Variants in GLRA2 observed in about 807,000 individuals in gnomAD.
GLRA2 encodes glycine receptor alpha 2.
GLRA2 carries 11 observed loss-of-function variants against 31.6 expected under a neutral mutation model. The observed-to-expected ratio is 0.35, with a 90% CI of 0.22 to 0.58. The LOEUF is 0.58. Among genes scored for constraint, GLRA2 ranks in the 20% least tolerant of loss-of-function variants. The pLI is 0.84. For missense variants in GLRA2, 212 were observed against 351.8 expected, an observed-to-expected ratio of 0.60 and a Z score of 3.18; for synonymous variants, 132 against 134.0, an observed-to-expected ratio of 0.99 and a Z score of 0.10.
chrX:14,621,395 G>A (rs1323544566), intron 7 of GLRA2, among the ~76,000 whole-genome samples: 1 of 110,628 alleles, frequency 9.0e-6, no homozygotes, highest in South Asian at 3.8e-4. Flanking sequence ...TTAAGTTCTA[G>A]GGTGCATATG....
chrX:14,672,666 T>C (rs1974320584), intron 7 of GLRA2, among the ~76,000 whole-genome samples: 1 of 111,755 alleles, frequency 8.9e-6, no homozygotes, highest in Admixed American at 9.5e-5. Flanking sequence ...CTTTGGTAAT[T>C]TATAACTAAC....
intron 4 of GLRA2, among the ~76,000 whole-genome samples, chrX:14,598,503 G>T (rs1194424693): frequency 8.9e-6 from 1 of 112,203 alleles, no homozygotes. Context: ...CCCAGCCATG[G>T]CCCTAACTAG....
rs145202745 is a variant in GLRA2 at position 14,592,217 on chromosome X, C to A, written c.494+10811C>A. Among the ~76,000 whole-genome samples the A allele has an allele frequency of 2.7e-5, 3 of 111,780 alleles. No individual in the cohort carries two copies. In the East Asian group the frequency reaches 8.5e-4, roughly 32 times the overall value. On this transcript the variant is annotated intron_variant, in intron 4 of 8. Transcript: ENST00000218075. Reference sequence around the variant, plus strand: ...TCTTCATGTCCCTTAGGGCTTGAGTCAGCAGAGGAGATTCAGAATTTCAAG... The same window carrying A: ...TCTTCATGTCCCTTAGGGCTTGAGTAAGCAGAGGAGATTCAGAATTTCAAG...
Position 14,654,308 on chromosome X carries a change from G to A in GLRA2, c.931-36402G>A, listed in dbSNP as rs978121292. ...ATTGTTAGTATTTTTTAGCCATGAA[G>A]TATTTTTAAATTAAGGTATGTACAT... is the stretch of plus-strand genomic sequence containing the variant. On this transcript the variant is annotated intron_variant, in intron 7 of 8. Coordinates refer to ENST00000218075, the MANE Select transcript of GLRA2 (RefSeq NM_002063.4). Among the ~76,000 whole-genome samples the A allele has an allele frequency of 9.9e-5, 11 of 111,330 alleles. No homozygotes were observed. The South Asian group carries it at 3.8e-3, about 38-fold the overall frequency.
chrX:14,720,372 A>G (rs369575304), intron 8 of GLRA2, among the ~76,000 whole-genome samples: 5 of 112,182 alleles, frequency 4.5e-5, no homozygotes, highest in African/African-American at 1.6e-4. Context: ...GGATCTCATC[A>G]TGTAAGTCAA....
chrX:14,472,492 G>T, the GLRA2 span, among the ~76,000 whole-genome samples: 1 of 111,049 alleles, frequency 9.0e-6, no homozygotes, highest in Non-Finnish European at 1.9e-5. Flanking sequence ...GGATCCCTTA[G>T]CTATTCTTCC....
the GLRA2 span, among the ~76,000 whole-genome samples, chrX:14,517,084 T>C: frequency 3.0e-4 from 34 of 112,459 alleles, no homozygotes; most frequent in African/African-American, 7.7e-4. Flanking sequence ...ACAGTCAAGA[T>C]GTTTTGAATT....
intron 4 of GLRA2, among the ~76,000 whole-genome samples, chrX:14,584,311 C>T (rs774931610): frequency 9.0e-6 from 1 of 111,711 alleles, no homozygotes; most frequent in South Asian, 3.8e-4. Context: ...ATGTCTAGGA[C>T]AATGTACTGT....
chrX:14,668,803 G>T (rs1336949563), intron 7 of GLRA2, among the ~76,000 whole-genome samples: 1 of 111,736 alleles, frequency 8.9e-6, no homozygotes, highest in African/African-American at 3.3e-5. Context: ...AATTCAAGAT[G>T]AAATTTTTGG....
chrX:14,649,170 C>T (rs1331872611), intron 7 of GLRA2, among the ~76,000 whole-genome samples: 2 of 109,290 alleles, frequency 1.8e-5, no homozygotes, highest in Admixed American at 9.7e-5. Context: ...GCCGAGATCG[C>T]GCCACTGCAC....
In GLRA2 at chrX:14,642,767, A is replaced by G. The variant is rs185206451; in HGVS notation, c.930+33562A>G. 1.3e-4 allele frequency among the ~76,000 whole-genome samples: 14 copies of G among 111,387 alleles called. No homozygotes were observed. In the Admixed American group the frequency reaches 1.3e-3, roughly 11 times the overall value. On this transcript the variant is annotated intron_variant, in intron 7 of 8. Transcript: ENST00000218075. Reference sequence around the variant, plus strand: ...TGGCTCAAGGGAAAAATAGACTTTGAGTCCTTTTGCATATTCTTATTGATC... The same window carrying G: ...TGGCTCAAGGGAAAAATAGACTTTGGGTCCTTTTGCATATTCTTATTGATC...
Position 14,604,396 on chromosome X carries a change from T to C in GLRA2, c.576T>C (p.Ser192=), listed in dbSNP as rs1343072339. Residue 192 remains serine, a splice_region_variant and synonymous_variant, in exon 5 of 9, where the codon AGT becomes AGC. Transcript: ENST00000218075. ...AGACCTGTACAATGCAGCTGGAGAG[T>C]TGTAAGTCACCACTGTTGAAATGAC... ...DVQTCTMQLE[S]FGYTMNDLIF... is the part of the protein sequence containing the mutation. 2 of 1,104,961 alleles carry C rather than the reference T, an allele frequency of 1.8e-6. No homozygotes were observed. The highest frequency in any genetic ancestry group is 1.8e-5 in the South Asian group (1 of 54,436). 91.1% of individuals were successfully genotyped at this position (1,104,961 alleles called of 1,213,427 possible).
chrX:14,549,975 G>T (rs745558623), intron 2 of GLRA2, among the ~76,000 whole-genome samples: 1 of 111,139 alleles, frequency 9.0e-6, no homozygotes, highest in South Asian at 3.9e-4. Context: ...GATATTAAGG[G>T]AAGAGGGAGT....
intron 7 of GLRA2, among the ~76,000 whole-genome samples, chrX:14,625,646 A>G (rs1008519883): frequency 2.7e-5 from 3 of 111,450 alleles, no homozygotes; most frequent in Non-Finnish European, 5.7e-5. Context: ...TGGGTTGAAA[A>G]TTCTTTTCTT....
the GLRA2 span, among the ~76,000 whole-genome samples, chrX:14,453,304 T>C: frequency 5.3e-3 from 594 of 111,094 alleles, 7 homozygotes; most frequent in African/African-American, 0.018. Flanking sequence ...TTGATTTTAA[T>C]AAAGGCAAGA....
At chrX:14,691,271 CTGTGTGTGTGTGTGTGTGTGTG>C (rs4014173) in intron 8 of GLRA2, among the ~76,000 whole-genome samples, 62 of 85,275 alleles carry the variant, frequency 7.3e-4, no homozygotes, top group East Asian at 3.2e-3. Flanking sequence ...TAAATATTGA[CTGTGTGTGTGTGTGTGTGTGTG>C]TGTGTGTGTG....
chrX:14,687,832 C>T (rs1306902450), intron 7 of GLRA2, among the ~76,000 whole-genome samples: 1 of 112,608 alleles, frequency 8.9e-6, no homozygotes, highest in Non-Finnish European at 1.9e-5. Context: ...AGCTTTGTTC[C>T]ACTGCTGGCG....
chrX:14,618,567 T>A (rs2090479911), intron 7 of GLRA2, among the ~76,000 whole-genome samples: 1 of 112,113 alleles, frequency 8.9e-6, no homozygotes, highest in Admixed American at 9.5e-5. Flanking sequence ...TGTTGCTGTA[T>A]AATAAACTTT....
chrX:14,676,377 T>G (rs991205609), intron 7 of GLRA2, among the ~76,000 whole-genome samples: 3 of 112,531 alleles, frequency 2.7e-5, no homozygotes, highest in Non-Finnish European at 1.9e-5. Context: ...CCTATGAATT[T>G]CATTTTGTTT....
Sources: gnomAD v4.1 joint callset for allele counts (sites outside exome capture counted in the v4.1 genomes callset) on GRCh38, gnomAD v4.1.1 for gene constraint, MANE v1.5 for transcripts, NCBI Gene and HGNC (gene_info 2026-07-23, HGNC 2026-07-21) for gene names.